The following KIAA1217 variants were observed in gnomAD, a reference collection of about 807,000 sequenced individuals.
KIAA1217 encodes sickle tail protein homolog.
In KIAA1217, 88 loss-of-function variants were observed where a neutral mutation model predicts 163.9. The observed-to-expected ratio is 0.54, with a 90% CI of 0.45 to 0.64. The LOEUF (loss-of-function observed/expected upper bound fraction) is 0.64, where lower values mean the gene tolerates loss of function less well. Ranked by LOEUF, KIAA1217 falls within the 30% of genes least tolerant of loss-of-function variation. The probability of loss-of-function intolerance (pLI) is 0.00; values close to 1 mark genes in which losing one functional copy is unlikely to be tolerated. For missense variants in KIAA1217, 2,372 were observed against 2,475.0 expected (o/e 0.96, Z 0.88); for synonymous variants, 903 against 923.1 (o/e 0.98, Z 0.39).
intron 1 of KIAA1217, among the ~76,000 whole-genome samples, chr10:23,755,326 A>G (rs768265323): frequency 5.9e-5 from 9 of 152,230 alleles, no homozygotes; most frequent in Admixed American, 2.6e-4. Flanking sequence ...GTTCTTCACC[A>G]TAGATCTTTG....
intron 2 of KIAA1217, among the ~76,000 whole-genome samples, chr10:24,300,637 G>A (rs1421752852): frequency 2.6e-5 from 4 of 152,050 alleles, no homozygotes; most frequent in Non-Finnish European, 4.4e-5. Flanking sequence ...GCACGATCTC[G>A]ACTCACTACA....
intron 2 of KIAA1217, chr10:24,158,835 A>G (rs2064993288): frequency 2.6e-6 from 1 of 377,556 alleles, no homozygotes; most frequent in Non-Finnish European, 5.3e-6. Flanking sequence ...CAGAGTTAGC[A>G]GAGTGCTGCT....
At chr10:24,368,869 TC>T in intron 2 of KIAA1217, 1 of 984,024 alleles carries the variant, frequency 1.0e-6, no homozygotes, top group South Asian at 4.7e-5. Flanking sequence ...ATGGTTGGCA[TC>T]TTTTATAATT....
At chr10:24,329,297 T>A (rs2045356747) in intron 2 of KIAA1217, among the ~76,000 whole-genome samples, 1 of 149,592 alleles carries the variant, frequency 6.7e-6, no homozygotes, top group African/African-American at 2.4e-5. Context: ...ATATATTTTT[T>A]AAACAGAAGT....
chr10:24,146,573 C>A (rs1263987072), intron 2 of KIAA1217, among the ~76,000 whole-genome samples: 1 of 152,060 alleles, frequency 6.6e-6, no homozygotes, highest in Admixed American at 6.5e-5. Flanking sequence ...GCAGTCCCAG[C>A]TCAGGAGATG....
At chr10:23,939,792 C>T (rs1172653327) in intron 1 of KIAA1217, among the ~76,000 whole-genome samples, 2 of 151,394 alleles carry the variant, frequency 1.3e-5, no homozygotes, top group Non-Finnish European at 2.9e-5. Flanking sequence ...AAACATTCTT[C>T]CCAAAAACAG....
chr10:23,818,070 TAC>T (rs376425958), intron 1 of KIAA1217, among the ~76,000 whole-genome samples: 2,780 of 124,194 alleles, frequency 0.022, 57 homozygotes, highest in Non-Finnish European at 0.033. Context: ...CATATATATA[TAC>T]ACACACACAT....
intron 2 of KIAA1217, among the ~76,000 whole-genome samples, chr10:24,063,332 G>T (rs993597254): frequency 1.3e-5 from 2 of 152,124 alleles, no homozygotes; most frequent in Admixed American, 1.3e-4. Flanking sequence ...TGTAAGGAAG[G>T]GATCCAGTTT....
At chr10:24,079,487 C>T (rs2061473398) in intron 2 of KIAA1217, among the ~76,000 whole-genome samples, 1 of 152,156 alleles carries the variant, frequency 6.6e-6, no homozygotes, top group African/African-American at 2.4e-5. Flanking sequence ...GGGATAATGC[C>T]ATCCACCCAT....
chr10:23,997,141 T>C (rs567397904), intron 1 of KIAA1217, among the ~76,000 whole-genome samples: 4 of 152,318 alleles, frequency 2.6e-5, no homozygotes, highest in Non-Finnish European at 2.9e-5. Context: ...TTAGTGTTTC[T>C]TAAGGAAGAA....
chr10:24,227,080 C>T (rs527361068), intron 2 of KIAA1217, among the ~76,000 whole-genome samples: 18 of 151,808 alleles, frequency 1.2e-4, no homozygotes, highest in East Asian at 3.9e-4. Context: ...ATAAAAGAAA[C>T]GAATAATACA....
In KIAA1217 at chr10:24,404,298, G is replaced by T. The variant is rs190730993; in HGVS notation, c.553+23231G>T. On this transcript the variant is annotated intron_variant, in intron 3 of 20. Coordinates refer to ENST00000376454, the MANE Select transcript of KIAA1217 (RefSeq NM_019590.5). ...TAAAACTAAAAGTGGGCCGGGTGCG[G>T]TGGCTTATGCCTGTAATCTCAGCAC... Among the ~76,000 whole-genome samples the T allele has an allele frequency of 3.0e-4, 46 of 152,228 alleles. 1 individual carries two copies. The highest frequency in any genetic ancestry group is 1.1e-3 in the African/African-American group (46 of 41,556).
chr10:24,484,021 C>G (rs1347563324), intron 6 of KIAA1217, among the ~76,000 whole-genome samples: 1 of 151,784 alleles, frequency 6.6e-6, no homozygotes, highest in Non-Finnish European at 1.5e-5. Context: ...TGATCTGTTT[C>G]CCTAAGAAAA....
chr10:23,758,686 C>CTTT (rs34055872), intron 1 of KIAA1217, among the ~76,000 whole-genome samples: 1 of 59,854 alleles, frequency 1.7e-5, no homozygotes, highest in Non-Finnish European at 3.5e-5. Context: ...TTCTTTCTTT[C>CTTT]TTTTTTTTTT....
chr10:24,073,421 GA>G (rs1232708140), intron 2 of KIAA1217, among the ~76,000 whole-genome samples: 1 of 152,194 alleles, frequency 6.6e-6, no homozygotes, highest in Admixed American at 6.5e-5. Context: ...CACTCACATA[GA>G]TGTCCCGGAA....
At chr10:24,006,241 G>A (rs1202519764) in intron 1 of KIAA1217, among the ~76,000 whole-genome samples, 2 of 152,068 alleles carry the variant, frequency 1.3e-5, no homozygotes, top group African/African-American at 2.4e-5. Flanking sequence ...TGTTAATTGA[G>A]GCATAGTTCA....
At chr10:24,364,713 C>T (rs141573340) in intron 2 of KIAA1217, among the ~76,000 whole-genome samples, 11 of 152,142 alleles carry the variant, frequency 7.2e-5, no homozygotes, top group Admixed American at 2.6e-4. Context: ...CTCCACAGTT[C>T]GGAGGCTTTG....
intron 2 of KIAA1217, among the ~76,000 whole-genome samples, chr10:24,191,099 G>C (rs1026481327): frequency 6.6e-6 from 1 of 152,098 alleles, no homozygotes; most frequent in Non-Finnish European, 1.5e-5. Flanking sequence ...AGGATGACTT[G>C]AGCCCAGAAG....
At chr10:24,066,241 C>G (rs11013875) in intron 2 of KIAA1217, among the ~76,000 whole-genome samples, 2 of 151,572 alleles carry the variant, frequency 1.3e-5, no homozygotes, top group African/African-American at 4.9e-5. Flanking sequence ...CTAGCCTTGA[C>G]GGTCTTTACA....
Sources: gnomAD v4.1 joint callset for allele counts (sites outside exome capture counted in the v4.1 genomes callset) on GRCh38, gnomAD v4.1.1 for gene constraint, MANE v1.5 for transcripts, NCBI Gene and HGNC (gene_info 2026-07-23, HGNC 2026-07-21) for gene names.